RNF130: variants seen among roughly 807,000 people sequenced by gnomAD.
The protein encoded by RNF130 is E3 ubiquitin-protein ligase RNF130.
Under a neutral mutation model 44.6 loss-of-function variants are expected in RNF130, and 21 were observed. The ratio of observed to expected loss-of-function variants is 0.47; its 90% CI spans 0.33 to 0.68. The LOEUF (loss-of-function observed/expected upper bound fraction) is 0.68, where lower values mean the gene tolerates loss of function less well. Among genes scored for constraint, RNF130 ranks in the 30% least tolerant of loss-of-function variants. The probability of loss-of-function intolerance (pLI) is 0.02; values close to 1 mark genes in which losing one functional copy is unlikely to be tolerated. For synonymous variants in RNF130, 214 were observed against 210.4 expected, an observed-to-expected ratio of 1.02 and a Z score of -0.15; for missense variants, 479 against 560.6, an observed-to-expected ratio of 0.85 and a Z score of 1.47.
At chr5:180,050,114 C>T (rs912311214) in intron 1 of RNF130, among the ~76,000 whole-genome samples, 3 of 152,210 alleles carry the variant, frequency 2.0e-5, no homozygotes, top group Non-Finnish European at 4.4e-5. Context: ...GGCAGGGCCA[C>T]TCTCCCTATG....
Position 180,071,572 on chromosome 5 carries a change from T to C in RNF130, c.131A>G (p.Gln44Arg), listed in dbSNP as rs761380140. 2 of 1,482,902 alleles carry C rather than the reference T, an allele frequency of 1.3e-6. No homozygotes were observed. The highest frequency in any genetic ancestry group is 2.9e-5 in the African/African-American group (2 of 69,572). 91.9% of individuals were successfully genotyped at this position (1,482,902 alleles called of 1,614,324 possible). Residue 44 changes from glutamine (Q) to arginine (R), a missense_variant, in exon 1 of 9, where the codon CAG (glutamine) becomes CGG (arginine). By Grantham distance (43) the Gln-to-Arg change is conservative. Around this residue, in one of 3 missense-constraint regions of RNF130, gnomAD observed 138 missense variants for 126.9 expected, o/e 1.09. Coordinates refer to ENST00000521389, the MANE Select transcript of RNF130 (RefSeq NM_018434.6). ...GAGCGGGGCGCCGCGGCCGGGCTCC[T>C]GCACCGTCACGTTGATGAGCGCCGT... is the stretch of plus-strand genomic sequence containing the variant. ...YYTALINVTVQEPGRGAPLTF... is the reference protein window; with the variant it reads ...YYTALINVTVREPGRGAPLTF...
intron 1 of RNF130, among the ~76,000 whole-genome samples, chr5:180,061,083 A>AC: frequency 1.3e-5 from 2 of 151,626 alleles, no homozygotes; most frequent in South Asian, 4.2e-4. Context: ...AAAAAAAAAA[A>AC]AAAAAAAAAA....
chr5:179,986,991 T>C (rs1762968123), intron 3 of RNF130, among the ~76,000 whole-genome samples: 1 of 152,238 alleles, frequency 6.6e-6, no homozygotes, highest in African/African-American at 2.4e-5. Flanking sequence ...CTAACTTTTG[T>C]ACACAAACTT....
intron 2 of RNF130, among the ~76,000 whole-genome samples, chr5:180,034,278 C>T (rs1045893239): frequency 4.6e-5 from 7 of 150,790 alleles, no homozygotes; most frequent in Admixed American, 4.0e-4. Context: ...ATTCTATTTG[C>T]TAATAATTTT....
intron 2 of RNF130, among the ~76,000 whole-genome samples, chr5:180,028,986 A>G (rs1480349993): frequency 1.3e-5 from 2 of 152,230 alleles, no homozygotes; most frequent in Non-Finnish European, 2.9e-5. Flanking sequence ...TGTTAGCTCA[A>G]TAAATTTTGC....
chr5:179,956,941 A>G (rs1383232417), intron 8 of RNF130, among the ~76,000 whole-genome samples: 1 of 151,588 alleles, frequency 6.6e-6, no homozygotes, highest in Non-Finnish European at 1.5e-5. Flanking sequence ...TTTTTGAAAA[A>G]CCTCTGGTAT....
intron 1 of RNF130, among the ~76,000 whole-genome samples, chr5:180,070,437 G>A (rs1765224427): frequency 6.6e-6 from 1 of 152,134 alleles, no homozygotes; most frequent in African/African-American, 2.4e-5. Flanking sequence ...TTAGCACTTT[G>A]GCATACAAAT....
chr5:179,931,937 C>T (rs970929372), intron 7 of RNF130, among the ~76,000 whole-genome samples: 6 of 152,218 alleles, frequency 3.9e-5, no homozygotes, highest in African/African-American at 1.2e-4. Context: ...CCCCAAACCA[C>T]TTCCCAGTTT....
At chr5:179,975,672 G>A (rs1762702749) in intron 5 of RNF130, among the ~76,000 whole-genome samples, 1 of 152,066 alleles carries the variant, frequency 6.6e-6, no homozygotes, top group Non-Finnish European at 1.5e-5. Context: ...ACAGCAACAG[G>A]GAAAACTCTA....
At chr5:180,018,719 GCC>G (rs1763799559) in intron 2 of RNF130, among the ~76,000 whole-genome samples, 2 of 152,176 alleles carry the variant, frequency 1.3e-5, no homozygotes, top group South Asian at 4.1e-4. Flanking sequence ...TTCGCCCCCT[GCC>G]CACTGCTCAG....
intron 3 of RNF130, among the ~76,000 whole-genome samples, chr5:180,010,972 G>T (rs538257535): frequency 6.6e-6 from 1 of 152,162 alleles, no homozygotes; most frequent in Non-Finnish European, 1.5e-5. Flanking sequence ...CAATTTCCAG[G>T]TTATGATACT....
At chr5:180,070,225 CAA>C (rs1163615281) in intron 1 of RNF130, among the ~76,000 whole-genome samples, 12 of 152,172 alleles carry the variant, frequency 7.9e-5, no homozygotes, top group African/African-American at 2.2e-4. Context: ...TGAATGAACC[CAA>C]GACAAAAGTT....
intron 2 of RNF130, among the ~76,000 whole-genome samples, chr5:180,032,166 T>C (rs1247583538): frequency 2.6e-5 from 4 of 152,236 alleles, no homozygotes; most frequent in African/African-American, 9.6e-5. Context: ...TCATTGTTTT[T>C]CAATGGTTTC....
intron 1 of RNF130, among the ~76,000 whole-genome samples, chr5:180,057,547 C>CAAAAAAAAAAAAAAAAAAAAAAAAAAAA (rs796667044): frequency 7.0e-6 from 1 of 142,828 alleles, no homozygotes; most frequent in Non-Finnish European, 1.5e-5. Context: ...AACTCAGTCT[C>CAAAAAAAAAAAAAAAAAAAAAAAAAAAA]AAAAAAAAAA....
chr5:179,970,708 G>A (rs1262447872), intron 5 of RNF130, among the ~76,000 whole-genome samples: 7 of 152,150 alleles, frequency 4.6e-5, no homozygotes, highest in Non-Finnish European at 7.4e-5. Flanking sequence ...GTACAACACC[G>A]TGTAAGAACT....
intron 3 of RNF130, among the ~76,000 whole-genome samples, chr5:180,012,199 T>A (rs1763609533): frequency 6.6e-6 from 1 of 152,084 alleles, no homozygotes; most frequent in African/African-American, 2.4e-5. Context: ...AAGTCTGCGC[T>A]TTTTCCGCTA....
chr5:179,949,586 AC>A (rs1762095448), intron 7 of RNF130, among the ~76,000 whole-genome samples: 1 of 152,220 alleles, frequency 6.6e-6, no homozygotes, highest in South Asian at 2.1e-4. Context: ...ACTCTGAAAT[AC>A]CAGATTAAAT....
In RNF130 at chr5:179,958,260, C is replaced by T. The variant is rs1013376051; in HGVS notation, c.1245-2591G>A. On this transcript the variant is annotated intron_variant, in intron 8 of 8. Transcript: ENST00000521389. ...GTTATACCATCAATTTAGGAGTTAA[C>T]GACTAATATTAACAACAAGGCACAG... Among the ~76,000 whole-genome samples, 22 of 152,266 alleles carry T rather than the reference C, an allele frequency of 1.4e-4. 1 individual carries two copies. Among genetic ancestry groups the T allele is most frequent in the Middle Eastern group, 6.8e-3 (2 of 294 alleles).
chr5:179,945,196 G>A (rs1030651174), intron 7 of RNF130, among the ~76,000 whole-genome samples: 2 of 152,084 alleles, frequency 1.3e-5, no homozygotes, highest in Non-Finnish European at 2.9e-5. Flanking sequence ...CCTAAGGGCT[G>A]CAGGAGTTCT....
Sources: gnomAD v4.1 joint callset for allele counts (sites outside exome capture counted in the v4.1 genomes callset) on GRCh38, gnomAD v4.1.1 for gene constraint, gnomAD v4.1.1 regional missense constraint, MANE v1.5 for transcripts, NCBI Gene and HGNC (gene_info 2026-07-23, HGNC 2026-07-21) for gene names.